Variants in CD300A observed in about 807,000 individuals in gnomAD.
The protein encoded by CD300A is CD300a molecule, also known as CMRF35-like molecule 8.
Under a neutral mutation model 33.6 loss-of-function variants are expected in CD300A, and 22 were observed. The ratio of observed to expected loss-of-function variants is 0.66; its 90% CI spans 0.47 to 0.94. The LOEUF (loss-of-function observed/expected upper bound fraction) is 0.94, where lower values mean the gene tolerates loss of function less well. CD300A is among the 40% of genes least tolerant of loss of function. CD300A has a pLI of 0.00. For missense variants in CD300A, 326 were observed against 360.5 expected (o/e 0.90, Z 0.77); for synonymous variants, 136 against 148.1 (o/e 0.92, Z 0.59).
chr17:74,473,602 G>A lies in CD300A; in HGVS notation c.107G>A (p.Cys36Tyr), dbSNP rs1477171814. 24 of 1,614,116 alleles carry A rather than the reference G, an allele frequency of 1.5e-5. No homozygotes were observed. The highest frequency in any genetic ancestry group is 2.0e-5 in the Non-Finnish European group (24 of 1,180,046). ...GPVGGSLSVQ[C>Y]PYEKEHRTLN... ...GTGGGGGGATCCCTGAGTGTGCAGTGTCCCTATGAGAAGGAACACAGGACC... is the reference window on the plus strand; with the variant it reads ...GTGGGGGGATCCCTGAGTGTGCAGTATCCCTATGAGAAGGAACACAGGACC... Residue 36 changes from cysteine to tyrosine, a missense_variant, in exon 2 of 7, where the codon TGT becomes TAT. Cys to Tyr is a radical substitution (Grantham distance 194). Coordinates refer to ENST00000360141, the MANE Select transcript of CD300A (RefSeq NM_007261.4).
At chr17:74,476,024 C>T (rs780432837) in intron 3 of CD300A, among the ~76,000 whole-genome samples, 28 of 152,196 alleles carry the variant, frequency 1.8e-4, no homozygotes, top group Non-Finnish European at 3.8e-4. Context: ...TGCACCCTCC[C>T]TGCGGCACCT....
At chr17:74,467,790 T>C (rs974697680) in intron 1 of CD300A, among the ~76,000 whole-genome samples, 4 of 152,164 alleles carry the variant, frequency 2.6e-5, no homozygotes, top group Non-Finnish European at 4.4e-5. Flanking sequence ...TGTTCTTCTG[T>C]TTCATAGGGT....
intron 1 of CD300A, among the ~76,000 whole-genome samples, chr17:74,467,265 G>A (rs1905784159): frequency 6.6e-6 from 1 of 151,790 alleles, no homozygotes; most frequent in South Asian, 2.1e-4. Flanking sequence ...GGAGCAGATC[G>A]ATAGTCTCTG....
intron 6 of CD300A, among the ~76,000 whole-genome samples, chr17:74,483,364 CT>C (rs112316749): frequency 0.12 from 16,404 of 139,258 alleles, 2,183 homozygotes; most frequent in African/African-American, 0.36. Context: ...TTCTTTTTTT[CT>C]TTTTTTTTTT....
Position 74,483,868 on chromosome 17 carries a change from G to C in CD300A, c.775-133G>C, listed in dbSNP as rs986346300. ...TGGACAGGATCATAGAGAAAAAGAG[G>C]CCAGGACAGTGGAGCCTCTACAGTG... On this transcript the variant is annotated intron_variant, in intron 6 of 6. Coordinates refer to ENST00000360141, the MANE Select transcript of CD300A (RefSeq NM_007261.4). 4 of 956,716 alleles carry C rather than the reference G, an allele frequency of 4.2e-6. No individual in the cohort carries two copies. In the East Asian group the frequency reaches 1.0e-4, roughly 24 times the overall value. 59.3% of individuals were successfully genotyped at this position (956,716 alleles called of 1,614,324 possible). A position where few individuals can be genotyped will look rare whatever the true frequency, so the allele number is the denominator to read the frequency against.
chr17:74,466,946 C>G, intron 1 of CD300A: 1 of 1,433,976 alleles, frequency 7.0e-7, no homozygotes, highest in Non-Finnish European at 9.1e-7. Flanking sequence ...TCTCCCGGCT[C>G]TGCACCCACG....
rs1408916636 is a variant in CD300A at position 74,477,335 on chromosome 17, G to A, written c.534-101G>A. 3.9e-6 allele frequency: 3 copies of A among 762,742 alleles called. No homozygotes were observed. The African/African-American group carries it at 5.3e-5, about 13-fold the overall frequency. The allele number at this position is 762,742 out of a possible 1,614,324, so 47.2% of individuals were successfully genotyped here. A position where few individuals can be genotyped will look rare whatever the true frequency, so the allele number is the denominator to read the frequency against. ...ACTGCACTCCAGCCTGGGTAACAGAGCCAGATCCTGTCTCAAAAAATAAAA... is the reference window on the plus strand; with the variant it reads ...ACTGCACTCCAGCCTGGGTAACAGAACCAGATCCTGTCTCAAAAAATAAAA... On this transcript the variant is annotated intron_variant, in intron 3 of 6. Coordinates refer to ENST00000360141, the MANE Select transcript of CD300A (RefSeq NM_007261.4).
Position 74,484,161 on chromosome 17 carries a change from G to A in CD300A, c.*35G>A, listed in dbSNP as rs1297758968. The A allele has an allele frequency of 6.2e-7, 1 of 1,609,696 alleles. No individual in the cohort carries two copies. The highest frequency in any genetic ancestry group is 8.5e-7 in the Non-Finnish European group (1 of 1,177,662). Reference sequence around the variant, plus strand: ...CTGCCTCGCCATCGGAGCTCTCATGGGCCCCAGGAAGTCCAGGGACAGCTC... The same window carrying A: ...CTGCCTCGCCATCGGAGCTCTCATGAGCCCCAGGAAGTCCAGGGACAGCTC... On this transcript the variant is annotated 3_prime_UTR_variant, in exon 7 of 7. Transcript: ENST00000360141.
chr17:74,476,787 G>A (rs562957703), intron 3 of CD300A, among the ~76,000 whole-genome samples: 1 of 152,346 alleles, frequency 6.6e-6, no homozygotes, highest in South Asian at 2.1e-4. Context: ...TGCAGCTATA[G>A]GAAAGAGTGA....
chr17:74,481,916 G>A, intron 6 of CD300A, 83 bp downstream of exon 6: 1 of 973,638 alleles, frequency 1.0e-6, no homozygotes, highest in Admixed American at 2.1e-5. Context: ...GAAGGGGAAG[G>A]AAGGGGTCGG....
At chr17:74,473,260 G>T (rs72844388) in intron 1 of CD300A, among the ~76,000 whole-genome samples, 1 of 152,104 alleles carries the variant, frequency 6.6e-6, no homozygotes, top group Non-Finnish European at 1.5e-5. Flanking sequence ...GGGGCTGAGG[G>T]CTGGGGGTGC....
chr17:74,480,531 A>G lies in CD300A; in HGVS notation c.629-758A>G, dbSNP rs934970775. ...GGCCTCCTTCCCTACGGCCTGGGGC[A>G]GCAGGCAGGTGGGCTGTCTGGGAGG... On this transcript the variant is annotated intron_variant, in intron 4 of 6. Transcript: ENST00000360141. The surrounding 1 kb of genome is among the most constrained non-coding windows in gnomAD (Gnocchi z 4.2). 6.6e-6 allele frequency among the ~76,000 whole-genome samples: 1 copy of G among 152,198 alleles called. No homozygotes were observed. Among genetic ancestry groups the G allele is most frequent in the African/African-American group, 2.4e-5 (1 of 41,454 alleles).
In CD300A at chr17:74,473,632, AC is replaced by A; in HGVS notation, c.138del (p.Asn46LysfsTer43). On this transcript the variant is annotated frameshift_variant, in exon 2 of 7. Coordinates refer to ENST00000360141, the MANE Select transcript of CD300A (RefSeq NM_007261.4). LOFTEE classifies it high-confidence loss of function. ...CPYEKEHRTL[N>X]KYWCRPPQIF... ...TATGAGAAGGAACACAGGACCCTCA[AC>A]AAATACTGGTGCAGACCACCACAGA... is the stretch of plus-strand genomic sequence containing the variant. The A allele has an allele frequency of 1.2e-6, 2 of 1,614,244 alleles. No homozygotes were observed. The highest frequency in any genetic ancestry group is 1.7e-6 in the Non-Finnish European group (2 of 1,180,044).
intron 1 of CD300A, 168 bp downstream of exon 1, chr17:74,466,911 C>A (rs1239400783): frequency 3.4e-6 from 5 of 1,462,106 alleles, no homozygotes; most frequent in South Asian, 1.4e-5. Flanking sequence ...GGTCCACACC[C>A]CTGGGAGAGG....
chr17:74,479,131 G>A (rs1038506819), intron 4 of CD300A, among the ~76,000 whole-genome samples: 10 of 152,238 alleles, frequency 6.6e-5, no homozygotes, highest in African/African-American at 2.2e-4. Context: ...CCCCATCATC[G>A]ATGATAACTA....
chr17:74,475,503 C>A (rs1906401338), intron 3 of CD300A, among the ~76,000 whole-genome samples: 2 of 152,224 alleles, frequency 1.3e-5, no homozygotes, highest in Admixed American at 1.3e-4. Context: ...GCCTTGAGTT[C>A]TCCTCTCTAA....
chr17:74,475,162 C>T (rs1469346788), intron 3 of CD300A, among the ~76,000 whole-genome samples: 3 of 152,144 alleles, frequency 2.0e-5, no homozygotes, highest in Non-Finnish European at 4.4e-5. Context: ...TACATGGCAG[C>T]AGGCAAGACA....
At chr17:74,482,732 T>TCCTTCCTTCCTTCCCTCCC (rs1555639394) in intron 6 of CD300A, among the ~76,000 whole-genome samples, 1 of 132,948 alleles carries the variant, frequency 7.5e-6, no homozygotes, top group African/African-American at 3.8e-5. Context: ...CTTTCTTTCT[T>TCCTTCCTTCCTTCCCTCCC]TGGAATCTCG....
At chr17:74,469,668 C>T (rs563794280) in intron 1 of CD300A, among the ~76,000 whole-genome samples, 3 of 152,038 alleles carry the variant, frequency 2.0e-5, no homozygotes, top group Admixed American at 6.6e-5. Context: ...CTCCTAAAAA[C>T]ACAAAATTAG....
Sources: gnomAD v4.1 joint callset for allele counts (sites outside exome capture counted in the v4.1 genomes callset) on GRCh38, gnomAD v4.1.1 for gene constraint, Gnocchi (gnomAD v3.1) non-coding constraint, MANE v1.5 for transcripts, NCBI Gene and HGNC (gene_info 2026-07-23, HGNC 2026-07-21) for gene names.